Variants in DEPDC4 observed in about 807,000 individuals in gnomAD.
DEPDC4 encodes the protein DEP domain-containing protein 4.
Under a neutral mutation model 52.0 loss-of-function variants are expected in DEPDC4, and 52 were observed. The observed-to-expected ratio is 1.00, with a 90% CI of 0.80 to 1.26. DEPDC4 has a LOEUF of 1.26. Ranked by LOEUF, DEPDC4 falls within the 50% of genes most tolerant of loss-of-function variation. DEPDC4 has a pLI of 0.00. For missense variants in DEPDC4, 530 were observed against 546.9 expected, an observed-to-expected ratio of 0.97 and a Z score of 0.31; for synonymous variants, 201 against 196.8, an observed-to-expected ratio of 1.02 and a Z score of -0.18.
the DEPDC4 span, among the ~76,000 whole-genome samples, chr12:100,275,167 A>G: frequency 6.6e-6 from 1 of 151,750 alleles, no homozygotes; most frequent in African/African-American, 2.4e-5. Context: ...TAAATTTTAA[A>G]TTTTCTAGTA....
chr12:100,260,941 G>A (rs1448342989), intron 3 of DEPDC4, among the ~76,000 whole-genome samples: 1 of 152,040 alleles, frequency 6.6e-6, no homozygotes, highest in African/African-American at 2.4e-5. Flanking sequence ...AGCACTTTGG[G>A]AGGCCAAGGT....
chr12:100,257,926 A>C (rs952595400), intron 3 of DEPDC4: 1 of 152,214 alleles, frequency 6.6e-6, no homozygotes, highest in African/African-American at 2.4e-5. Flanking sequence ...ACTTTGAAGA[A>C]AATTAATGTA....
At chr12:100,272,428 C>T in the DEPDC4 span, among the ~76,000 whole-genome samples, 33 of 152,232 alleles carry the variant, frequency 2.2e-4, 1 homozygote, top group East Asian at 7.7e-4. Flanking sequence ...TTACTCTGTC[C>T]TTGGCCTTCT....
chr12:100,271,260 C>CAAAAA (rs11354103), upstream of DEPDC4, among the ~76,000 whole-genome samples: 17 of 83,288 alleles, frequency 2.0e-4, no homozygotes, highest in African/African-American at 4.7e-4. Context: ...TGCAGAGCAG[C>CAAAAA]AAAAAAAAAA....
chr12:100,255,124 T>C (rs932997094), intron 4 of DEPDC4, among the ~76,000 whole-genome samples: 1 of 152,240 alleles, frequency 6.6e-6, no homozygotes, highest in East Asian at 1.9e-4. Context: ...AAAAGACTAA[T>C]GACAGTTTGA....
chr12:100,243,321 T>C (rs1340421551), intron 8 of DEPDC4, among the ~76,000 whole-genome samples: 4 of 152,208 alleles, frequency 2.6e-5, no homozygotes, highest in Non-Finnish European at 5.9e-5. Context: ...CTCAGAATTA[T>C]GCATCAATCC....
downstream of DEPDC4, among the ~76,000 whole-genome samples, chr12:100,235,565 C>T (rs182191442): frequency 4.8e-3 from 718 of 150,954 alleles, 2 homozygotes; most frequent in Middle Eastern, 0.014. Context: ...CCAAACTCCA[C>T]TGTATCATTC....
At chr12:100,256,012 G>A (rs773374414) in intron 4 of DEPDC4, 37 bp downstream of exon 4, 1 of 1,514,726 alleles carries the variant, frequency 6.6e-7, no homozygotes, top group Non-Finnish European at 9.0e-7. Context: ...GAAAAAAACT[G>A]TTTACAAATT....
chr12:100,267,785 A>T (rs2096280642), upstream of DEPDC4: 1 of 152,110 alleles, frequency 6.6e-6, no homozygotes, highest in African/African-American at 2.4e-5. Flanking sequence ...ACACTACTCT[A>T]GGACCGGGTG....
rs368461745 is a variant in DEPDC4 at position 100,259,303 on chromosome 12, C to A, written c.700+2961G>T. On this transcript the variant is annotated intron_variant, in intron 3 of 9. Transcript: ENST00000550587. ...CAGTCCGTTATTGAGACATGAGAAA[C>A]CTTATGAAGGGGATTTCCCCAAGAA... Among the ~76,000 whole-genome samples the A allele has an allele frequency of 1.8e-4, 28 of 152,168 alleles. No homozygotes were observed. In the East Asian group the frequency reaches 4.4e-3, roughly 24 times the overall value.
chr12:100,235,589 C>G (rs1411628294), downstream of DEPDC4, among the ~76,000 whole-genome samples: 1 of 150,806 alleles, frequency 6.6e-6, no homozygotes, highest in East Asian at 1.9e-4. Context: ...TTTTTTTTTC[C>G]CCCAAGATGG....
chr12:100,256,246 C>T lies in DEPDC4; in HGVS notation c.701-20G>A. On this transcript the variant is annotated intron_variant, in intron 3 of 9. Transcript: ENST00000550587. ...AAACATCTTGAAAAGGAAAGTAATG[C>T]AATGATCAAGATTGGTAAATAAAAC... The T allele has an allele frequency of 6.4e-7, 1 of 1,565,956 alleles. No individual in the cohort carries two copies. The highest frequency in any genetic ancestry group is 1.7e-5 in the Admixed American group (1 of 58,102).
intron 8 of DEPDC4, among the ~76,000 whole-genome samples, chr12:100,243,347 C>T (rs1353968556): frequency 6.6e-6 from 1 of 152,148 alleles, no homozygotes; most frequent in Non-Finnish European, 1.5e-5. Flanking sequence ...CTTAAACTTT[C>T]TCAACTCCCC....
At chr12:100,271,259 G>T (rs1592922679), upstream of DEPDC4, among the ~76,000 whole-genome samples, 1 of 28,180 alleles carries the variant, frequency 3.5e-5, no homozygotes, top group Non-Finnish European at 6.6e-5. Context: ...TTGCAGAGCA[G>T]CAAAAAAAAA....
At chr12:100,265,789 G>A (rs144091001) in intron 1 of DEPDC4, among the ~76,000 whole-genome samples, 1 of 152,104 alleles carries the variant, frequency 6.6e-6, no homozygotes, top group Non-Finnish European at 1.5e-5. Context: ...ATCCTACTTA[G>A]GTAAAAATGA....
chr12:100,236,955 T>C (rs143626329), downstream of DEPDC4, among the ~76,000 whole-genome samples: 47 of 152,036 alleles, frequency 3.1e-4, no homozygotes, highest in African/African-American at 1.1e-3. Flanking sequence ...TTCCCCACTT[T>C]CTGTTTTTGT....
chr12:100,247,209 T>TTG (rs1290099797), intron 8 of DEPDC4, among the ~76,000 whole-genome samples: 1 of 133,332 alleles, frequency 7.5e-6, no homozygotes, highest in Non-Finnish European at 1.6e-5. Flanking sequence ...GTGTTTTTTT[T>TTG]TTTTTTTTTT....
At chr12:100,235,972 A>G (rs766388989), downstream of DEPDC4, among the ~76,000 whole-genome samples, 7 of 152,200 alleles carry the variant, frequency 4.6e-5, no homozygotes, top group Non-Finnish European at 4.4e-5. Flanking sequence ...GTTACTTCAC[A>G]TAGAATAATG....
intron 8 of DEPDC4, among the ~76,000 whole-genome samples, chr12:100,245,670 T>C (rs1457103963): frequency 6.6e-6 from 1 of 152,224 alleles, no homozygotes; most frequent in East Asian, 1.9e-4. Flanking sequence ...TGCCTGTGCA[T>C]TGTACAGGCC....
Sources: allele counts gnomAD v4.1 joint callset (sites outside exome capture counted in the v4.1 genomes callset), GRCh38; gene constraint gnomAD v4.1.1; transcripts MANE v1.5; gene names NCBI Gene and HGNC (gene_info 2026-07-23, HGNC 2026-07-21).